Variants in WBP4 observed in about 807,000 individuals in gnomAD.
WBP4 encodes WW domain-binding protein 4.
WBP4 carries 37 observed loss-of-function variants against 55.4 expected under a neutral mutation model. The ratio of observed to expected loss-of-function variants is 0.67; its 90% CI spans 0.51 to 0.88. The LOEUF (loss-of-function observed/expected upper bound fraction) is 0.88, where lower values mean the gene tolerates loss of function less well. WBP4 is among the 40% of genes least tolerant of loss of function. The pLI, the probability that WBP4 is intolerant of heterozygous loss-of-function variation, is 0.00. For missense variants in WBP4, 398 were observed against 420.8 expected (o/e 0.95, Z 0.47); for synonymous variants, 142 against 140.2 (o/e 1.01, Z -0.09).
At chr13:41,061,794 T>C (rs997277291) in intron 1 of WBP4, 119 bp downstream of exon 1, 1 of 1,524,066 alleles carries the variant, frequency 6.6e-7, no homozygotes, top group African/African-American at 1.4e-5. Flanking sequence ...AGACGCGTTC[T>C]TAACTCGCTC....
Position 41,072,704 on chromosome 13 carries a change from G to T in WBP4, c.487-78G>T, listed in dbSNP as rs966712862. 9 of 1,287,712 alleles carry T rather than the reference G, an allele frequency of 7.0e-6. No individual in the cohort carries two copies. The Admixed American group carries it at 9.4e-5, about 13-fold the overall frequency. The allele number at this position is 1,287,712 out of a possible 1,614,324, so 79.8% of individuals were successfully genotyped here. ...ACCAGGTGTCAGGAGGAGAGGCAAG[G>T]GTGGCTGACTGTCTGAGTTATTCAA... is the stretch of plus-strand genomic sequence containing the variant. On this transcript the variant is annotated intron_variant, in intron 6 of 9. Coordinates refer to ENST00000379487, the MANE Select transcript of WBP4 (RefSeq NM_007187.5).
At chr13:41,076,281 T>A in intron 8 of WBP4, 44 bp downstream of exon 8, 1 of 1,368,958 alleles carries the variant, frequency 7.3e-7, no homozygotes, top group Non-Finnish European at 9.6e-7. Context: ...TTTTTTTTTT[T>A]TTTTTTTTTT....
At chr13:41,071,624 G>A (rs372657638) in intron 6 of WBP4, 51 bp downstream of exon 6, 53 of 1,508,000 alleles carry the variant, frequency 3.5e-5, no homozygotes, top group African/African-American at 5.6e-5. Flanking sequence ...ACAGTGATTC[G>A]TTTCTTAGGT....
At position 41,061,606 on chromosome 13, in the gene WBP4, C is replaced by G. The variant is rs1368220598; in HGVS notation, c.-68C>G. 13 of 1,613,394 alleles carry G rather than the reference C, an allele frequency of 8.1e-6. No homozygotes were observed. Among genetic ancestry groups the G allele is most frequent in the Non-Finnish European group, 1.1e-5 (13 of 1,179,810 alleles). On this transcript the variant is annotated 5_prime_UTR_variant, in exon 1 of 10. Coordinates refer to ENST00000379487, the MANE Select transcript of WBP4 (RefSeq NM_007187.5). ...GCATCGGGCGGCTGGAAGAGCTCGACTCGTCCCGCTGGGAAAGCGCGAGTC... is the reference window on the plus strand; with the variant it reads ...GCATCGGGCGGCTGGAAGAGCTCGAGTCGTCCCGCTGGGAAAGCGCGAGTC...
At chr13:41,079,513 G>C (rs192223575) in intron 8 of WBP4, among the ~76,000 whole-genome samples, 35 of 136,754 alleles carry the variant, frequency 2.6e-4, no homozygotes, top group African/African-American at 9.1e-4. Context: ...CTGCCCTCCA[G>C]CCTGGGTGAC....
In WBP4 at chr13:41,072,938, C is replaced by G. The variant is rs1395937329; in HGVS notation, c.562+81C>G. On this transcript the variant is annotated intron_variant, in intron 7 of 9. Coordinates refer to ENST00000379487, the MANE Select transcript of WBP4 (RefSeq NM_007187.5). ...TTGGCCTGCTGATTAATCATCTGAACTTGGAAATTTTAGTATACAATAAAC... is the reference window on the plus strand; with the variant it reads ...TTGGCCTGCTGATTAATCATCTGAAGTTGGAAATTTTAGTATACAATAAAC... The G allele has an allele frequency of 2.6e-6, 3 of 1,158,782 alleles. No individual in the cohort carries two copies. The African/African-American group carries it at 4.7e-5, about 18-fold the overall frequency. 71.8% of individuals were successfully genotyped at this position (1,158,782 alleles called of 1,614,324 possible). A position where few individuals can be genotyped will look rare whatever the true frequency, so the allele number is the denominator to read the frequency against.
intron 9 of WBP4, 101 bp downstream of exon 9, chr13:41,080,910 T>A: frequency 7.6e-7 from 1 of 1,312,974 alleles, no homozygotes; most frequent in Non-Finnish European, 1.1e-6. Context: ...CTGTGCTTAT[T>A]AAAAGTATAG....
intron 6 of WBP4, 136 bp from the exon 7 acceptor site, chr13:41,072,646 G>C: frequency 1.5e-6 from 1 of 686,212 alleles, no homozygotes; most frequent in Non-Finnish European, 2.5e-6. Context: ...GTCTACATGA[G>C]ATTTGGGTGG....
Position 41,081,297 on chromosome 13 carries a change from G to A in WBP4, c.920+488G>A, listed in dbSNP as rs552626847. Among the ~76,000 whole-genome samples, 564 of 151,854 alleles carry A rather than the reference G, an allele frequency of 3.7e-3. 5 individuals carry two copies. Among genetic ancestry groups the A allele is most frequent in the Non-Finnish European group, 4.5e-3 (309 of 67,948 alleles). ...GCAGATCAACTGAGGTCAGGAGTTC[G>A]AGACCAGCCTGGCCAACATGGCAAA... On this transcript the variant is annotated intron_variant, in intron 9 of 9. Coordinates refer to ENST00000379487, the MANE Select transcript of WBP4 (RefSeq NM_007187.5).
At chr13:41,062,096 G>GGT in intron 1 of WBP4, 1 of 805,568 alleles carries the variant, frequency 1.2e-6, no homozygotes, top group Non-Finnish European at 1.4e-6. Flanking sequence ...TAGCGTAATG[G>GGT]TTTTTTTTTT....
chr13:41,065,363 A>C, intron 4 of WBP4, 76 bp downstream of exon 4: 2 of 1,474,936 alleles, frequency 1.4e-6, no homozygotes, highest in African/African-American at 2.8e-5. Context: ...GTAAGCTTTG[A>C]TTGCTTCCAT....
At chr13:41,072,930 C>A in intron 7 of WBP4, 73 bp downstream of exon 7, 2 of 1,229,956 alleles carry the variant, frequency 1.6e-6, no homozygotes, top group Non-Finnish European at 1.1e-6. Flanking sequence ...GCTGATTAAT[C>A]ATCTGAACTT....
intron 8 of WBP4, among the ~76,000 whole-genome samples, chr13:41,076,539 C>T (rs1036920834): frequency 1.3e-5 from 2 of 152,006 alleles, no homozygotes; most frequent in African/African-American, 2.4e-5. Context: ...CCTCGGCGTC[C>T]CAAAGTGCTG....
At chr13:41,072,677 T>C (rs1043744720) in intron 6 of WBP4, 105 bp from the exon 7 acceptor site, 11 of 874,134 alleles carry the variant, frequency 1.3e-5, no homozygotes, top group Admixed American at 1.2e-4. Flanking sequence ...CGAGATGATA[T>C]CACCAGGTGT....
rs549351415 is a variant in WBP4, at chr13:41,069,620, C to A, written c.439+883C>A. 4.0e-5 allele frequency among the ~76,000 whole-genome samples: 6 copies of A among 150,996 alleles called. No individual in the cohort carries two copies. The East Asian group carries it at 9.8e-4, about 25-fold the overall frequency. ...GAGCTTGCAGTGAGCCGAGATTGGGCCACTGAACCCAGGAAGCGGAGCTTG... is the reference window on the plus strand; with the variant it reads ...GAGCTTGCAGTGAGCCGAGATTGGGACACTGAACCCAGGAAGCGGAGCTTG... On this transcript the variant is annotated intron_variant, in intron 5 of 9. Coordinates refer to ENST00000379487, the MANE Select transcript of WBP4 (RefSeq NM_007187.5).
At chr13:41,062,206 C>T (rs916161142) in intron 1 of WBP4, 4 of 969,918 alleles carry the variant, frequency 4.1e-6, no homozygotes, top group Non-Finnish European at 3.6e-6. Flanking sequence ...AACTGAGAGT[C>T]TGGGAGGAAC....
intron 4 of WBP4, 140 bp downstream of exon 4, chr13:41,065,427 C>T (rs1877931451): frequency 8.3e-7 from 1 of 1,206,350 alleles, no homozygotes. Flanking sequence ...CATCATAGCC[C>T]TGTTTAGACT....
At position 41,073,786 on chromosome 13, in the gene WBP4, G is replaced by A. The variant is rs541779887; in HGVS notation, c.562+929G>A. Among the ~76,000 whole-genome samples, 83 of 152,232 alleles carry A rather than the reference G, an allele frequency of 5.5e-4. 1 individual carries two copies. Among genetic ancestry groups the A allele is most frequent in the Non-Finnish European group, 9.6e-4 (65 of 68,016 alleles). ...CGCACCACTGCACTCCAGTCTGGGC[G>A]ACAGAGCAAGACTGTCTCAAAATAA... On this transcript the variant is annotated intron_variant, in intron 7 of 9. Coordinates refer to ENST00000379487, the MANE Select transcript of WBP4 (RefSeq NM_007187.5).
At chr13:41,071,405 A>G (rs1294385806) in intron 5 of WBP4, 122 bp from the exon 6 acceptor site, 2 of 726,468 alleles carry the variant, frequency 2.8e-6, no homozygotes, top group Non-Finnish European at 2.3e-6. Context: ...TTTTTCAAAT[A>G]TGTTTTAAAT....
Sources: gnomAD v4.1 joint callset for allele counts (sites outside exome capture counted in the v4.1 genomes callset) on GRCh38, gnomAD v4.1.1 for gene constraint, MANE v1.5 for transcripts, NCBI Gene and HGNC (gene_info 2026-07-23, HGNC 2026-07-21) for gene names.